Variants in TMEM232 observed in about 807,000 individuals in gnomAD.
The protein encoded by TMEM232 is transmembrane protein 232.
Under a neutral mutation model 78.8 loss-of-function variants are expected in TMEM232, and 80 were observed. The ratio of observed to expected loss-of-function variants is 1.01; its 90% CI spans 0.85 to 1.22. The LOEUF (loss-of-function observed/expected upper bound fraction) is 1.22, where lower values mean the gene tolerates loss of function less well. Among genes scored for constraint, TMEM232 ranks in the 50% most tolerant of loss-of-function variants. The probability of loss-of-function intolerance (pLI) is 0.00; values close to 1 mark genes in which losing one functional copy is unlikely to be tolerated. For synonymous variants in TMEM232, 297 were observed against 254.3 expected, an observed-to-expected ratio of 1.17 and a Z score of -1.60; for missense variants, 881 against 742.2, an observed-to-expected ratio of 1.19 and a Z score of -2.17.
At chr5:110,435,799 T>C (rs1221491350) in intron 12 of TMEM232, among the ~76,000 whole-genome samples, 1 of 151,984 alleles carries the variant, frequency 6.6e-6, no homozygotes, top group East Asian at 1.9e-4. Context: ...TCATTCTTTC[T>C]TATGGCTGAA....
chr5:110,439,021 T>A (rs1241929744), intron 12 of TMEM232, among the ~76,000 whole-genome samples: 1 of 152,180 alleles, frequency 6.6e-6, no homozygotes, highest in Non-Finnish European at 1.5e-5. Context: ...CTCAATTGAA[T>A]AATTCTGATT....
At chr5:110,583,586 G>A (rs568758719) in intron 10 of TMEM232, among the ~76,000 whole-genome samples, 30 of 151,658 alleles carry the variant, frequency 2.0e-4, no homozygotes, top group Non-Finnish European at 2.9e-4. Context: ...ATGATTTTTC[G>A]GAAATAACAC....
chr5:110,395,212 TG>T, intron 3 of TMEM232, among the ~76,000 whole-genome samples: 1 of 152,044 alleles, frequency 6.6e-6, no homozygotes, highest in Non-Finnish European at 1.5e-5. Context: ...TTAAGGCCTT[TG>T]TTTTATAGAA....
chr5:110,737,450 A>G (rs1799299090), intron 1 of TMEM232, among the ~76,000 whole-genome samples: 1 of 152,176 alleles, frequency 6.6e-6, no homozygotes, highest in South Asian at 2.1e-4. Flanking sequence ...AGTTTTTGAT[A>G]CATAGTGCCA....
chr5:110,507,674 C>T (rs866897990), intron 12 of TMEM232, among the ~76,000 whole-genome samples: 4 of 152,254 alleles, frequency 2.6e-5, no homozygotes, highest in Middle Eastern at 3.4e-3. Flanking sequence ...GGAAGTTGTC[C>T]GAGTGCCAAG....
chr5:110,627,387 C>T (rs1784550341), intron 6 of TMEM232, among the ~76,000 whole-genome samples: 1 of 151,956 alleles, frequency 6.6e-6, no homozygotes, highest in African/African-American at 2.4e-5. Flanking sequence ...TTACCAGCAT[C>T]TGGAACAGGG....
intron 12 of TMEM232, among the ~76,000 whole-genome samples, chr5:110,430,488 C>A (rs1011734785): frequency 1.3e-5 from 2 of 151,518 alleles, no homozygotes; most frequent in African/African-American, 4.8e-5. Context: ...AAAATATATG[C>A]AGTTTCAAAA....
intron 2 of TMEM232, among the ~76,000 whole-genome samples, chr5:110,646,418 C>G (rs532815028): frequency 1.3e-4 from 20 of 151,852 alleles, no homozygotes; most frequent in African/African-American, 4.6e-4. Flanking sequence ...AGAAATAAAT[C>G]CATATATCTA....
chr5:110,729,163 G>T (rs1798435488), upstream of TMEM232, among the ~76,000 whole-genome samples: 1 of 152,104 alleles, frequency 6.6e-6, no homozygotes, highest in Admixed American at 6.5e-5. Context: ...GGGATTAAAG[G>T]CGTGAGCCAC....
chr5:110,563,844 A>G (rs1315654960), intron 11 of TMEM232, among the ~76,000 whole-genome samples: 5 of 152,018 alleles, frequency 3.3e-5, no homozygotes. Flanking sequence ...CATGAAATTC[A>G]AGACAATATA....
chr5:110,519,585 CA>C (rs1464550056), intron 12 of TMEM232, among the ~76,000 whole-genome samples: 4 of 151,674 alleles, frequency 2.6e-5, no homozygotes, highest in Non-Finnish European at 5.9e-5. Flanking sequence ...AAAACAAAAA[CA>C]AAACCACTGT....
chr5:110,506,850 C>T (rs907639060), intron 12 of TMEM232, among the ~76,000 whole-genome samples: 5 of 152,000 alleles, frequency 3.3e-5, no homozygotes, highest in Non-Finnish European at 7.4e-5. Context: ...ATATTATTTC[C>T]TAAATATGTA....
At chr5:110,677,980 G>A (rs1173945065) in intron 1 of TMEM232, among the ~76,000 whole-genome samples, 1 of 152,122 alleles carries the variant, frequency 6.6e-6, no homozygotes, top group African/African-American at 2.4e-5. Context: ...AAGATTACTG[G>A]TCACATTAAA....
At chr5:110,475,747 C>G (rs1298008192) in intron 12 of TMEM232, among the ~76,000 whole-genome samples, 1 of 151,678 alleles carries the variant, frequency 6.6e-6, no homozygotes, top group Admixed American at 6.6e-5. Flanking sequence ...TCCAGAGTTC[C>G]CCACTCAGCT....
intron 10 of TMEM232, among the ~76,000 whole-genome samples, chr5:110,588,594 G>C (rs1779129178): frequency 6.6e-6 from 1 of 152,094 alleles, no homozygotes; most frequent in South Asian, 2.1e-4. Context: ...GGAAGGACTA[G>C]AACGCGAGAA....
intron 12 of TMEM232, among the ~76,000 whole-genome samples, chr5:110,511,530 AG>A (rs1175477574): frequency 2.0e-5 from 3 of 152,056 alleles, no homozygotes; most frequent in Non-Finnish European, 4.4e-5. Context: ...GAATATTTAT[AG>A]ATTATTTTAT....
At chr5:110,532,921 A>G (rs1490935509) in intron 11 of TMEM232, among the ~76,000 whole-genome samples, 1 of 151,950 alleles carries the variant, frequency 6.6e-6, no homozygotes, top group Non-Finnish European at 1.5e-5. Flanking sequence ...CTCTCCTTAC[A>G]ATTCCCCCAT....
chr5:110,718,151 T>G (rs901337131), intron 1 of TMEM232, among the ~76,000 whole-genome samples: 5 of 152,128 alleles, frequency 3.3e-5, no homozygotes, highest in African/African-American at 1.2e-4. Context: ...CTACATATAT[T>G]TGTTTGCAAA....
At chr5:110,733,726 A>G (rs1419505006) in intron 2 of TMEM232, among the ~76,000 whole-genome samples, 2 of 152,156 alleles carry the variant, frequency 1.3e-5, no homozygotes, top group East Asian at 1.9e-4. Context: ...AAAAAAACCT[A>G]TTGGGTGCTA....
Sources: gnomAD v4.1 joint callset for allele counts (sites outside exome capture counted in the v4.1 genomes callset) on GRCh38, gnomAD v4.1.1 for gene constraint, MANE v1.5 for transcripts, NCBI Gene and HGNC (gene_info 2026-07-23, HGNC 2026-07-21) for gene names.